Variants in WDR17 observed in about 807,000 individuals in gnomAD.
WDR17 encodes the protein WD repeat domain 17.
In WDR17, 143 loss-of-function variants were observed where a neutral mutation model predicts 161.7. The observed-to-expected ratio is 0.88, with a 90% CI of 0.77 to 1.02. The LOEUF is 1.02. Among genes scored for constraint, WDR17 ranks in the 50% least tolerant of loss-of-function variants. WDR17 has a pLI of 0.00. For synonymous variants in WDR17, 517 were observed against 515.6 expected, an observed-to-expected ratio of 1.00 and a Z score of -0.04; for missense variants, 1,469 against 1,520.9, an observed-to-expected ratio of 0.97 and a Z score of 0.57.
Position 176,115,800 on chromosome 4 carries a change from A to C in WDR17, c.128A>C (p.Asp43Ala), listed in dbSNP as rs775785535. The change falls in exon 3 of 29, where the codon GAT becomes GCT. Residue 43 changes from aspartate to alanine, a missense_variant. By Grantham distance (126) the Asp-to-Ala change is moderately radical. Transcript: ENST00000508596. ...TATTTATATATTTTGTTTTAGTTGG[A>C]TCACCGTTATAATGAATTCAAACTT... ...ATLAIYIYQL[D>A]HRYNEFKLHA... 6.3e-7 allele frequency: 1 copy of C among 1,593,004 alleles called. No homozygotes were observed. The highest frequency in any genetic ancestry group is 8.5e-7 in the Non-Finnish European group (1 of 1,170,928).
intron 4 of WDR17, among the ~76,000 whole-genome samples, chr4:176,121,473 T>G (rs764372750): frequency 3.3e-5 from 5 of 152,202 alleles, no homozygotes; most frequent in Non-Finnish European, 7.3e-5. Context: ...TTAGTGATAT[T>G]CCTCCACTTC....
intron 4 of WDR17, among the ~76,000 whole-genome samples, chr4:176,122,120 C>T (rs1320710461): frequency 6.6e-6 from 1 of 152,148 alleles, no homozygotes; most frequent in Non-Finnish European, 1.5e-5. Context: ...CCTGAAGGCC[C>T]AAAGAAAGGA....
chr4:176,176,649 A>T (rs1751492187), intron 26 of WDR17, among the ~76,000 whole-genome samples: 1 of 152,204 alleles, frequency 6.6e-6, no homozygotes, highest in African/African-American at 2.4e-5. Flanking sequence ...TCAGAATTCA[A>T]ATCATCTTTC....
At chr4:176,159,262 TAC>T (rs140919209) in intron 18 of WDR17, among the ~76,000 whole-genome samples, 4 of 133,202 alleles carry the variant, frequency 3.0e-5, no homozygotes, top group Non-Finnish European at 4.6e-5. Context: ...GATGGGAAGA[TAC>T]ACACACACAT....
intron 2 of WDR17, 98 bp downstream of exon 2, chr4:176,111,801 C>T: frequency 9.2e-7 from 1 of 1,081,142 alleles, no homozygotes; most frequent in Non-Finnish European, 1.2e-6. Context: ...AAACATAATG[C>T]TATAATTCCA....
At chr4:176,158,695 T>A (rs551556732) in intron 18 of WDR17, among the ~76,000 whole-genome samples, 6 of 152,248 alleles carry the variant, frequency 3.9e-5, no homozygotes, top group African/African-American at 1.4e-4. Flanking sequence ...AAGATTAGAA[T>A]AGATTTAGTG....
At chr4:176,078,933 C>T (rs1280429663) in intron 1 of WDR17, among the ~76,000 whole-genome samples, 1 of 152,022 alleles carries the variant, frequency 6.6e-6, no homozygotes, top group Admixed American at 6.6e-5. Context: ...TTATCGTTAA[C>T]TATAGTCTTC....
chr4:176,069,663 T>G (rs1732972204), intron 1 of WDR17, among the ~76,000 whole-genome samples: 1 of 152,158 alleles, frequency 6.6e-6, no homozygotes, highest in South Asian at 2.1e-4. Context: ...TTTTTTTAGT[T>G]GTAAGCATGT....
At chr4:176,151,263 T>C (rs1747059044) in intron 16 of WDR17, among the ~76,000 whole-genome samples, 1 of 152,182 alleles carries the variant, frequency 6.6e-6, no homozygotes, top group Admixed American at 6.5e-5. Flanking sequence ...CAGTAACTTT[T>C]TGTTTTTACT....
rs903040049 is a variant in WDR17, at chr4:176,179,981, T to A, written c.*402T>A. The A allele has an allele frequency of 1.3e-5, 2 of 152,218 alleles. No homozygotes were observed. Among genetic ancestry groups the A allele is most frequent in the African/African-American group, 2.4e-5 (1 of 41,442 alleles). 9.4% of individuals were successfully genotyped at this position (152,218 alleles called of 1,614,324 possible). On this transcript the variant is annotated 3_prime_UTR_variant, in exon 29 of 29. Coordinates refer to ENST00000508596, the MANE Select transcript of WDR17 (RefSeq NM_181265.4). Reference sequence around the variant, plus strand: ...AGTAAGTACTTAATGGATATTTGAATGATTGAATATCTTGAAATGTTGAAA... The same window carrying A: ...AGTAAGTACTTAATGGATATTTGAAAGATTGAATATCTTGAAATGTTGAAA...
chr4:176,165,877 T>C (rs1261729778), intron 22 of WDR17, among the ~76,000 whole-genome samples: 2 of 152,214 alleles, frequency 1.3e-5, no homozygotes, highest in African/African-American at 4.8e-5. Context: ...TCCATAGATA[T>C]GTGTAACAGA....
At chr4:176,137,698 T>A in intron 9 of WDR17, 87 bp downstream of exon 9, 1 of 745,690 alleles carries the variant, frequency 1.3e-6, no homozygotes, top group South Asian at 3.4e-5. Flanking sequence ...CTTAATATAA[T>A]ATCACTTAAT....
In WDR17 at chr4:176,082,227, A is replaced by C. The variant is rs1007192240; in HGVS notation, c.-7+16148A>C. On this transcript the variant is annotated intron_variant, in intron 1 of 28. Coordinates refer to ENST00000508596, the MANE Select transcript of WDR17 (RefSeq NM_181265.4). ...TGTCACATTAATGAGATAGAAACAT[A>C]GGCAAATAATACATTTGGTAAGGCA... 1.2e-4 allele frequency among the ~76,000 whole-genome samples: 18 copies of C among 152,240 alleles called. No homozygotes were observed. The South Asian group carries it at 3.1e-3, about 26-fold the overall frequency.
intron 19 of WDR17, among the ~76,000 whole-genome samples, chr4:176,160,547 C>T (rs1748881425): frequency 6.6e-6 from 1 of 152,160 alleles, no homozygotes; most frequent in South Asian, 2.1e-4. Flanking sequence ...GTCTCAAACT[C>T]CTGACCTCAG....
chr4:176,131,179 CAT>C (rs1743387488), intron 6 of WDR17, among the ~76,000 whole-genome samples: 1 of 151,936 alleles, frequency 6.6e-6, no homozygotes. Context: ...AAATTATATG[CAT>C]ATATGTTTGT....
At chr4:176,137,801 C>G (rs1561161553) in intron 9 of WDR17, among the ~76,000 whole-genome samples, 190 bp downstream of exon 9, 1 of 151,546 alleles carries the variant, frequency 6.6e-6, no homozygotes, top group Non-Finnish European at 1.5e-5. Context: ...GCTGAGTCAC[C>G]TGAAGTTGCA....
At chr4:176,168,624 T>C (rs1304915313) in intron 22 of WDR17, 48 bp from the exon 23 acceptor site, 1 of 1,608,368 alleles carries the variant, frequency 6.2e-7, no homozygotes, top group Admixed American at 1.7e-5. Flanking sequence ...TGAATGTTAT[T>C]TTTAAATCTT....
intron 2 of WDR17, among the ~76,000 whole-genome samples, chr4:176,113,406 A>C (rs1425438689): frequency 6.6e-6 from 1 of 152,078 alleles, no homozygotes; most frequent in African/African-American, 2.4e-5. Context: ...ATTTTAAAAT[A>C]TTGAGGTAAA....
intron 26 of WDR17, 79 bp downstream of exon 26, chr4:176,174,797 C>A: frequency 2.5e-6 from 2 of 800,628 alleles, no homozygotes; most frequent in Non-Finnish European, 4.0e-6. Context: ...GTGGATTATA[C>A]AAAGTATCAA....
Sources: allele counts gnomAD v4.1 joint callset (sites outside exome capture counted in the v4.1 genomes callset), GRCh38; gene constraint gnomAD v4.1.1; transcripts MANE v1.5; gene names NCBI Gene and HGNC (gene_info 2026-07-23, HGNC 2026-07-21).